CDK12: variants seen among roughly 807,000 people sequenced by gnomAD.
The protein encoded by CDK12 is cyclin-dependent kinase 12.
Under a neutral mutation model 133.8 loss-of-function variants are expected in CDK12, and 17 were observed. That is an observed-to-expected ratio of 0.13 (90% confidence interval 0.09 to 0.19). The LOEUF is 0.19. Ranked by LOEUF, CDK12 falls within the 10% of genes least tolerant of loss-of-function variation. The probability of loss-of-function intolerance (pLI) is 1.00; values close to 1 mark genes in which losing one functional copy is unlikely to be tolerated. For missense variants in CDK12, 1,508 were observed against 1,818.7 expected (o/e 0.83, Z 3.11); for synonymous variants, 694 against 683.6 (o/e 1.02, Z -0.24).
intron 2 of CDK12, among the ~76,000 whole-genome samples, chr17:39,482,031 T>A (rs1472970098): frequency 6.8e-6 from 1 of 147,920 alleles, no homozygotes; most frequent in Non-Finnish European, 1.5e-5. Flanking sequence ...TTTTTTTTTT[T>A]AACAGAGTTT....
At chr17:39,526,738 AGTCTT>A in intron 13 of CDK12, among the ~76,000 whole-genome samples, 1 of 152,234 alleles carries the variant, frequency 6.6e-6, no homozygotes, top group African/African-American at 2.4e-5. Context: ...GCTGAATGCC[AGTCTT>A]TCCTGGAAGA....
rs1228263196 is a variant in CDK12, at chr17:39,461,965, C to T, written c.-107C>T. 12 of 794,154 alleles carry T rather than the reference C, an allele frequency of 1.5e-5. No individual in the cohort carries two copies. Among genetic ancestry groups the T allele is most frequent in the South Asian group, 5.4e-5 (3 of 56,038 alleles). The allele number at this position is 794,154 out of a possible 1,614,324, so 49.2% of individuals were successfully genotyped here. Reference sequence around the variant, plus strand: ...CCGTCCCTGCCCTCCCCACCCCCTTCCCGGGGCGCTTTGGTGGGCGTGGAG... The same window carrying T: ...CCGTCCCTGCCCTCCCCACCCCCTTTCCGGGGCGCTTTGGTGGGCGTGGAG... On this transcript the variant is annotated 5_prime_UTR_variant, in exon 1 of 14. Transcript: ENST00000447079.
At chr17:39,512,447 G>A (rs780550659) in intron 8 of CDK12, among the ~76,000 whole-genome samples, 3 of 152,174 alleles carry the variant, frequency 2.0e-5, no homozygotes, top group African/African-American at 2.4e-5. Context: ...GAGAGTACAA[G>A]CAGTAAATGA....
chr17:39,554,826 C>T (rs1370960409), intron 2 of CDK12, among the ~76,000 whole-genome samples: 2 of 148,978 alleles, frequency 1.3e-5, no homozygotes, highest in Admixed American at 1.4e-4. Flanking sequence ...TTGCAGTGAT[C>T]TCCGAGTTGA....
At chr17:39,481,817 T>A (rs915825987) in intron 2 of CDK12, among the ~76,000 whole-genome samples, 3 of 151,280 alleles carry the variant, frequency 2.0e-5, no homozygotes, top group Non-Finnish European at 2.9e-5. Flanking sequence ...GCCTCCCGGG[T>A]TGAAGTGATT....
rs1195523740 is a variant in CDK12 at position 39,532,050 on chromosome 17, G to T, written c.*734G>T. Reference sequence around the variant, plus strand: ...CGTGGCATTCTTGGGCAAGTAGGTAGACTTTACCCAGTCTCTTTCCTTTTT... The same window carrying T: ...CGTGGCATTCTTGGGCAAGTAGGTATACTTTACCCAGTCTCTTTCCTTTTT... On this transcript the variant is annotated 3_prime_UTR_variant, in exon 14 of 14. Coordinates refer to ENST00000447079, the MANE Select transcript of CDK12 (RefSeq NM_016507.4). The T allele has an allele frequency of 1.3e-5, 3 of 232,538 alleles. No homozygotes were observed. The highest frequency in any genetic ancestry group is 2.5e-5 in the Non-Finnish European group (3 of 117,940). The allele number at this position is 232,538 out of a possible 1,614,324, so 14.4% of individuals were successfully genotyped here.
At chr17:39,508,822 C>CT in intron 6 of CDK12, among the ~76,000 whole-genome samples, 1 of 152,044 alleles carries the variant, frequency 6.6e-6, no homozygotes, top group Admixed American at 6.6e-5. Context: ...TAGGGGAACT[C>CT]TGTCTCTACA....
At chr17:39,482,928 T>C (rs1233841303) in intron 2 of CDK12, among the ~76,000 whole-genome samples, 2 of 97,868 alleles carry the variant, frequency 2.0e-5, no homozygotes, top group African/African-American at 2.9e-5. Context: ...TTTTTTTTTT[T>C]TTGAAACGGA....
chr17:39,480,730 T>A lies in CDK12; in HGVS notation c.1931+8967T>A, dbSNP rs1416034870. Among the ~76,000 whole-genome samples, 8 of 152,100 alleles carry A rather than the reference T, an allele frequency of 5.3e-5. No individual in the cohort carries two copies. The East Asian group carries it at 1.6e-3, about 30-fold the overall frequency. On this transcript the variant is annotated intron_variant, in intron 2 of 13. Transcript: ENST00000447079. ...GAGCCAGCACGCCCAGCCGAAACTT[T>A]TCTTTTCTTTCAAACATGTATTTTG...
chr17:39,562,902 CTTTTTTTTT>C (rs59852699), intron 3 of CDK12, among the ~76,000 whole-genome samples: 12 of 92,384 alleles, frequency 1.3e-4, no homozygotes, highest in Non-Finnish European at 1.7e-4. Context: ...TTTTTCTTTT[CTTTTTTTTT>C]TTTTTTTTTT....
intron 2 of CDK12, among the ~76,000 whole-genome samples, chr17:39,551,528 A>G (rs543319530): frequency 6.6e-6 from 1 of 152,178 alleles, no homozygotes; most frequent in African/African-American, 2.4e-5. Flanking sequence ...CCCTGCTGCA[A>G]TATAATAAGC....
chr17:39,552,054 C>T (rs542349574), intron 2 of CDK12, among the ~76,000 whole-genome samples: 11 of 152,064 alleles, frequency 7.2e-5, no homozygotes, highest in Non-Finnish European at 1.3e-4. Flanking sequence ...CATTTTATAT[C>T]CCCAAATCCC....
At chr17:39,469,748 C>T (rs1362930851) in intron 1 of CDK12, among the ~76,000 whole-genome samples, 1 of 151,706 alleles carries the variant, frequency 6.6e-6, no homozygotes, top group Non-Finnish European at 1.5e-5. Context: ...AGCGATTCTC[C>T]TGCCTCAGCC....
At position 39,462,365 on chromosome 17, in the gene CDK12, A is replaced by G. The variant is rs1457093353; in HGVS notation, c.294A>G (p.Glu98=). Residue 98 remains glutamate, a synonymous_variant, in exon 1 of 14, where the codon GAA becomes GAG. Coordinates refer to ENST00000447079, the MANE Select transcript of CDK12 (RefSeq NM_016507.4). ...AFKLDRREND[E]RRGSDRSDRL... Reference sequence around the variant, plus strand: ...AACTAGACCGAAGGGAGAACGACGAACGTCGTGGATCAGATCGGAGCGACC... The same window carrying G: ...AACTAGACCGAAGGGAGAACGACGAGCGTCGTGGATCAGATCGGAGCGACC... The G allele has an allele frequency of 2.5e-6, 4 of 1,614,086 alleles. No homozygotes were observed. Among genetic ancestry groups the G allele is most frequent in the Non-Finnish European group, 3.4e-6 (4 of 1,180,064 alleles).
intron 1 of CDK12, among the ~76,000 whole-genome samples, chr17:39,540,076 A>C (rs922916023): frequency 2.0e-5 from 3 of 152,240 alleles, no homozygotes; most frequent in Admixed American, 6.5e-5. Context: ...AGGAAAGTTC[A>C]CTAAAATATT....
Position 39,495,516 on chromosome 17 carries a change from G to A in CDK12, c.2419+822G>A, listed in dbSNP as rs912970032. Among the ~76,000 whole-genome samples, 4 of 151,520 alleles carry A rather than the reference G, an allele frequency of 2.6e-5. No homozygotes were observed. The Admixed American group carries it at 2.6e-4, about 10-fold the overall frequency. ...AGAAAAAGAAGATGGTAGTGGCCAG[G>A]CGCAGTGGCTCACGCCTGTAATCCT... On this transcript the variant is annotated intron_variant, in intron 5 of 13. Coordinates refer to ENST00000447079, the MANE Select transcript of CDK12 (RefSeq NM_016507.4).
chr17:39,473,408 A>T (rs2049948816), intron 2 of CDK12, among the ~76,000 whole-genome samples: 1 of 152,188 alleles, frequency 6.6e-6, no homozygotes, highest in South Asian at 2.1e-4. Flanking sequence ...TGAAATGATT[A>T]TGAAGCATGA....
At chr17:39,487,161 A>C (rs572785359) in intron 2 of CDK12, among the ~76,000 whole-genome samples, 1 of 152,114 alleles carries the variant, frequency 6.6e-6, no homozygotes. Context: ...ATCATTATCT[A>C]CTCCACTGAC....
At chr17:39,542,288 G>T (rs2055462243) in intron 1 of CDK12, among the ~76,000 whole-genome samples, 1 of 151,438 alleles carries the variant, frequency 6.6e-6, no homozygotes, top group Non-Finnish European at 1.5e-5. Context: ...CTGGGTTCAA[G>T]CGATTCTCCT....
Sources: gnomAD v4.1 joint callset for allele counts (sites outside exome capture counted in the v4.1 genomes callset) on GRCh38, gnomAD v4.1.1 for gene constraint, MANE v1.5 for transcripts, NCBI Gene and HGNC (gene_info 2026-07-23, HGNC 2026-07-21) for gene names.